The following ADGRE5 variants were observed in gnomAD, a reference collection of about 807,000 sequenced individuals.
ADGRE5 encodes the protein CD97 molecule.
ADGRE5 carries 72 observed loss-of-function variants against 100.3 expected under a neutral mutation model. That is an observed-to-expected ratio of 0.72 (90% CI 0.59 to 0.87). The LOEUF (loss-of-function observed/expected upper bound fraction) is 0.87. Ranked by LOEUF, ADGRE5 falls within the 40% of genes least tolerant of loss-of-function variation. ADGRE5 has a pLI of 0.00. For synonymous variants in ADGRE5, 439 were observed against 447.8 expected (o/e 0.98, Z 0.25); for missense variants, 959 against 1,094.7 (o/e 0.88, Z 1.75).
intron 1 of ADGRE5, among the ~76,000 whole-genome samples, chr19:14,385,383 TTCTC>T (rs1042505286): frequency 1.6e-4 from 24 of 151,836 alleles, no homozygotes; most frequent in Admixed American, 1.2e-3. Flanking sequence ...TTCTGACTCT[TTCTC>T]TCTCTCTGTC....
In ADGRE5 at chr19:14,405,386, G is replaced by GCC. The variant is rs201468640; in HGVS notation, c.1630-356_1630-355dup. 1.0e-4 allele frequency: 21 copies of GCC among 202,894 alleles called. 1 individual carries two copies. Among genetic ancestry groups the GCC allele is most frequent in the Admixed American group, 6.0e-4 (10 of 16,618 alleles). The allele number at this position is 202,894 out of a possible 1,614,324, so 12.6% of individuals were successfully genotyped here. On this transcript the variant is annotated intron_variant, in intron 13 of 19. Coordinates refer to ENST00000242786, the MANE Select transcript of ADGRE5 (RefSeq NM_078481.4). ...TCGAACTCCTGACCTCAGGTGATCT[G>GCC]CCCCCCCTCAGCCTCTCAAAGTGCT... is the stretch of plus-strand genomic sequence containing the variant.
In ADGRE5 at chr19:14,406,963, G is replaced by A. The variant is rs374452617; in HGVS notation, c.2207+3G>A. The A allele has an allele frequency of 1.9e-5, 31 of 1,613,956 alleles. No individual in the cohort carries two copies. The highest frequency in any genetic ancestry group is 4.0e-5 in the African/African-American group (3 of 74,952). Reference sequence around the variant, plus strand: ...ATGAAGAAATTAAAGAAGGCGAGGTGAGAGGAGAGGCTGGAAGGACTTGGA... The same window carrying A: ...ATGAAGAAATTAAAGAAGGCGAGGTAAGAGGAGAGGCTGGAAGGACTTGGA... On this transcript the variant is annotated splice_donor_region_variant and intron_variant, in intron 17 of 19. Coordinates refer to ENST00000242786, the MANE Select transcript of ADGRE5 (RefSeq NM_078481.4). The surrounding 1 kb of genome is among the most constrained non-coding windows in gnomAD (Gnocchi z 6.0).
chr19:14,404,276 G>A (rs1230907056), intron 12 of ADGRE5, 107 bp from the exon 13 acceptor site: 10 of 998,972 alleles, frequency 1.0e-5, no homozygotes, highest in South Asian at 4.7e-5. Context: ...GTAGGCGCTC[G>A]GTCAATACTC....
At chr19:14,382,709 ATT>A (rs35624101) in intron 1 of ADGRE5, among the ~76,000 whole-genome samples, 10,274 of 141,054 alleles carry the variant, frequency 0.073, 714 homozygotes, top group East Asian at 0.42. Context: ...CCAAAAACAA[ATT>A]TTTTTTTTTT....
chr19:14,393,441 A>G (rs1398988132), intron 4 of ADGRE5, among the ~76,000 whole-genome samples: 1 of 152,160 alleles, frequency 6.6e-6, no homozygotes, highest in East Asian at 1.9e-4. Context: ...GGCTTTGCCT[A>G]TTTTCCAGGG....
intron 18 of ADGRE5, among the ~76,000 whole-genome samples, chr19:14,407,625 T>G: frequency 7.1e-6 from 1 of 140,416 alleles, no homozygotes; most frequent in Non-Finnish European, 1.5e-5. Flanking sequence ...TGGGTGACAG[T>G]GAGACTTGTC....
intron 5 of ADGRE5, 22 bp downstream of exon 5, chr19:14,396,495 C>A (rs62122581): frequency 1.3e-6 from 2 of 1,541,482 alleles, no homozygotes; most frequent in Admixed American, 1.9e-5. Flanking sequence ...AGGAAGACGC[C>A]GTGAGGCTGG....
In ADGRE5 at chr19:14,406,677, G is replaced by GGGAC. The variant is rs771401454; in HGVS notation, c.2049-22_2049-19dup. 2 of 1,613,552 alleles carry GGGAC rather than the reference G, an allele frequency of 1.2e-6. No individual in the cohort carries two copies. Among genetic ancestry groups the GGGAC allele is most frequent in the East Asian group, 4.5e-5 (2 of 44,856 alleles). On this transcript the variant is annotated intron_variant, in intron 15 of 19. Transcript: ENST00000242786. The surrounding 1 kb of genome is among the most constrained non-coding windows in gnomAD (Gnocchi z 6.0). ...GCTCCTGGCTTCCTGGGGCACTGAT[G>GGGAC]GGACCCCTCCCTTCCCTCCTAGCTG... is the stretch of plus-strand genomic sequence containing the variant.
At position 14,401,705 on chromosome 19, in the gene ADGRE5, G is replaced by A. The variant is rs750607968; in HGVS notation, c.1128G>A (p.Gln376=). 3.0e-5 allele frequency: 48 copies of A among 1,587,984 alleles called. No individual in the cohort carries two copies. The highest frequency in any genetic ancestry group is 3.9e-5 in the Non-Finnish European group (45 of 1,167,294). Reference sequence around the variant, plus strand: ...GGGACAAGAACGTCACTATGGGTCAGAGCAGCGCACGCATGAAGCTGAATT... The same window carrying A: ...GGGACAAGAACGTCACTATGGGTCAAAGCAGCGCACGCATGAAGCTGAATT... ...ERGDKNVTMG[Q]SSARMKLNWA... Residue 376 remains glutamine, a synonymous_variant, in exon 11 of 20, where the codon CAG becomes CAA. Transcript: ENST00000242786. This position sits in a 1 kb window ranked among gnomAD's most constrained non-coding sequence, Gnocchi z 4.1.
chr19:14,384,684 C>T (rs1173095902), intron 1 of ADGRE5, among the ~76,000 whole-genome samples: 1 of 151,464 alleles, frequency 6.6e-6, no homozygotes, highest in African/African-American at 2.4e-5. Context: ...CTTTCTTCCT[C>T]ACTGTTTATC....
At chr19:14,392,103 G>GAA (rs571212543) in intron 4 of ADGRE5, among the ~76,000 whole-genome samples, 92 of 64,528 alleles carry the variant, frequency 1.4e-3, no homozygotes, top group African/African-American at 4.3e-3. Context: ...GACTCTGTCT[G>GAA]AAAAAAAAAA....
chr19:14,407,850 A>T, intron 18 of ADGRE5, 58 bp from the exon 19 acceptor site: 1 of 1,399,902 alleles, frequency 7.1e-7, no homozygotes, highest in Non-Finnish European at 1.0e-6. Flanking sequence ...GAGCATGGGG[A>T]GGAGCGTGCA....
At chr19:14,382,426 G>T (rs997854647) in intron 1 of ADGRE5, among the ~76,000 whole-genome samples, 3 of 152,204 alleles carry the variant, frequency 2.0e-5, no homozygotes, top group African/African-American at 7.2e-5. Context: ...TGTCACCAGG[G>T]CCAAGTCAGA....
At chr19:14,390,848 G>T in intron 3 of ADGRE5, 76 bp from the exon 4 acceptor site, 1 of 1,546,762 alleles carries the variant, frequency 6.5e-7, no homozygotes, top group Non-Finnish European at 8.8e-7. Context: ...CCCATGTTGG[G>T]GAGTCAGGAT....
intron 1 of ADGRE5, among the ~76,000 whole-genome samples, chr19:14,387,215 T>C (rs1169190082): frequency 6.6e-6 from 1 of 151,886 alleles, no homozygotes; most frequent in Non-Finnish European, 1.5e-5. Flanking sequence ...GATGCCTGGC[T>C]CCTGTCTGTT....
At position 14,405,806 on chromosome 19, in the gene ADGRE5, T is replaced by G. The variant is rs771510225; in HGVS notation, c.1688T>G (p.Leu563Arg). The G allele has an allele frequency of 1.9e-6, 3 of 1,613,946 alleles. No homozygotes were observed. The highest frequency in any genetic ancestry group is 2.5e-6 in the Non-Finnish European group (3 of 1,180,000). The change falls in exon 14 of 20, where the codon CTG becomes CGG. Residue 563 changes from leucine (L) to arginine (R), a missense_variant. Physicochemically the swap from Leu to Arg is moderately radical, Grantham distance 102. This residue lies in a region of ADGRE5 where 428 missense variants were observed against 386.2 expected (regional missense o/e 1.11). Coordinates refer to ENST00000242786, the MANE Select transcript of ADGRE5 (RefSeq NM_078481.4). ...CTGGCGCTGTCACTCTTCTGCCTGCTGCTGTGCATCCTCACTTTCCTGCTG... is the reference window on the plus strand; with the variant it reads ...CTGGCGCTGTCACTCTTCTGCCTGCGGCTGTGCATCCTCACTTTCCTGCTG... ...VGLALSLFCL[L>R]LCILTFLLVR...
chr19:14,395,676 A>G (rs1975750762), intron 4 of ADGRE5, among the ~76,000 whole-genome samples: 1 of 152,210 alleles, frequency 6.6e-6, no homozygotes, highest in African/African-American at 2.4e-5. Context: ...GGGGATCAGA[A>G]AAAAGCATCT....
Position 14,408,289 on chromosome 19 carries a change from G to T in ADGRE5, c.*168G>T. ...GCTATAGTCTGGCACCAAAGTCCAG[G>T]ACACCCAGTGGGGTGGAGTCGGAGC... On this transcript the variant is annotated 3_prime_UTR_variant, in exon 20 of 20. Coordinates refer to ENST00000242786, the MANE Select transcript of ADGRE5 (RefSeq NM_078481.4). 1 of 758,174 alleles carries T rather than the reference G, an allele frequency of 1.3e-6. No individual in the cohort carries two copies. The allele number at this position is 758,174 out of a possible 1,614,324, so 47.0% of individuals were successfully genotyped here.
At position 14,406,395 on chromosome 19, in the gene ADGRE5, G is replaced by A; in HGVS notation, c.1886G>A (p.Trp629Ter). The A allele has an allele frequency of 1.3e-6, 2 of 1,593,314 alleles. No homozygotes were observed. The highest frequency in any genetic ancestry group is 8.5e-7 in the Non-Finnish European group (1 of 1,170,666). Residue 629 changes from tryptophan to a stop codon, truncating the protein, a stop_gained, in exon 15 of 20, where the codon TGG becomes TAG. Transcript: ENST00000242786. LOFTEE classifies it high-confidence loss of function. This position sits in a 1 kb window ranked among gnomAD's most constrained non-coding sequence, Gnocchi z 6.0. ...TACTGTTTCCTGGCCGCCTTCTGCTGGATGAGCCTCGAAGGCCTGGAGCTC... is the reference window on the plus strand; with the variant it reads ...TACTGTTTCCTGGCCGCCTTCTGCTAGATGAGCCTCGAAGGCCTGGAGCTC... ...LHYCFLAAFC[W>*]MSLEGLELYF... is the part of the protein sequence containing the mutation.
Sources: gnomAD v4.1 joint callset for allele counts (sites outside exome capture counted in the v4.1 genomes callset) on GRCh38, gnomAD v4.1.1 for gene constraint, gnomAD v4.1.1 regional missense constraint, Gnocchi (gnomAD v3.1) non-coding constraint, MANE v1.5 for transcripts, NCBI Gene and HGNC (gene_info 2026-07-23, HGNC 2026-07-21) for gene names.